Variants in TEAD4 observed in about 807,000 individuals in gnomAD.
TEAD4 encodes transcriptional enhancer factor TEF-3.
A neutral mutation model predicts 52.4 loss-of-function variants in TEAD4; 36 were observed. That is an observed-to-expected ratio of 0.69 (90% CI 0.53 to 0.91). The LOEUF is 0.91. Among genes scored for constraint, TEAD4 ranks in the 40% least tolerant of loss-of-function variants. The pLI is 0.00. For missense variants in TEAD4, 508 were observed against 583.9 expected (o/e 0.87, Z 1.34); for synonymous variants, 220 against 231.0 (o/e 0.95, Z 0.43).
At chr12:2,969,017 C>G (rs2098222895) in intron 2 of TEAD4, among the ~76,000 whole-genome samples, 1 of 152,168 alleles carries the variant, frequency 6.6e-6, no homozygotes, top group South Asian at 2.1e-4. Flanking sequence ...TGGGTGCTGT[C>G]ATTTCTCATT....
intron 2 of TEAD4, among the ~76,000 whole-genome samples, chr12:2,984,183 G>A (rs1158695029): frequency 2.0e-5 from 3 of 152,172 alleles, no homozygotes; most frequent in African/African-American, 4.8e-5. Flanking sequence ...GTGTGCGGAA[G>A]GTATGGCCGG....
intron 2 of TEAD4, among the ~76,000 whole-genome samples, chr12:2,975,239 G>A (rs1423934229): frequency 1.3e-5 from 2 of 150,916 alleles, no homozygotes; most frequent in Non-Finnish European, 2.9e-5. Context: ...TGAGCAGAAA[G>A]TAGACTTCCC....
rs200483208 is a variant in TEAD4 at position 3,038,056 on chromosome 12, C to T, written c.986C>T (p.Thr329Ile). 1.9e-4 allele frequency: 306 copies of T among 1,614,074 alleles called. No individual in the cohort carries two copies. The highest frequency in any genetic ancestry group is 3.6e-5 in the Non-Finnish European group (43 of 1,179,950). ...GAGAGCCCCGAGAACATGATCATCA[C>T]CTGCTCCACGAAGGTCTGCTCTTTC... Residue 329 changes from threonine (T) to isoleucine (I), a missense_variant, in exon 11 of 13, where the codon ACC becomes ATC. Thr to Ile is a moderately conservative substitution (Grantham distance 89). Transcript: ENST00000359864.
chr12:3,019,380 G>A (rs1190638124), intron 8 of TEAD4, among the ~76,000 whole-genome samples: 1 of 152,202 alleles, frequency 6.6e-6, no homozygotes, highest in African/African-American at 2.4e-5. Context: ...CATGCCCCTC[G>A]GGTTGCCTTG....
At chr12:2,974,625 C>CAGGATGTCCTG (rs1362410767) in intron 2 of TEAD4, among the ~76,000 whole-genome samples, 3 of 152,194 alleles carry the variant, frequency 2.0e-5, no homozygotes, top group African/African-American at 7.2e-5. Flanking sequence ...CCACTGCCTC[C>CAGGATGTCCTG]AGGATGTCCT....
chr12:2,989,121 C>T (rs966488481), intron 2 of TEAD4, among the ~76,000 whole-genome samples: 68 of 152,110 alleles, frequency 4.5e-4, no homozygotes, highest in African/African-American at 1.6e-3. Context: ...CATGGGAAGT[C>T]GGGAGGCAGT....
In TEAD4 at chr12:3,031,603, C is replaced by T. The variant is rs2098275589; in HGVS notation, c.898-6365C>T. 2.0e-5 allele frequency among the ~76,000 whole-genome samples: 3 copies of T among 152,208 alleles called. No homozygotes were observed. In the South Asian group the frequency reaches 6.2e-4, roughly 31 times the overall value. On this transcript the variant is annotated intron_variant, in intron 10 of 12. Transcript: ENST00000359864. ...CAGGGTGACCTCTGTCCTGTGGGCA[C>T]TCCTGTTGGATACATGCTGTGAGAT...
At chr12:2,969,050 C>T (rs2098222931) in intron 2 of TEAD4, among the ~76,000 whole-genome samples, 1 of 152,182 alleles carries the variant, frequency 6.6e-6, no homozygotes, top group South Asian at 2.1e-4. Context: ...GCACCCTTTA[C>T]AGCAGTAGCA....
At chr12:3,022,618 T>C (rs902316104) in intron 10 of TEAD4, among the ~76,000 whole-genome samples, 19 of 152,206 alleles carry the variant, frequency 1.2e-4, no homozygotes, top group Admixed American at 1.3e-4. Flanking sequence ...GGCAGGTATT[T>C]TGTGGGTGGA....
In TEAD4 at chr12:2,983,515, A is replaced by G. The variant is rs1180906514; in HGVS notation, c.-29-11223A>G. On this transcript the variant is annotated intron_variant, in intron 2 of 12. Coordinates refer to ENST00000359864, the MANE Select transcript of TEAD4 (RefSeq NM_003213.4). ...AGGGCATCCTTCTTGTTTTACAGAT[A>G]AGCAAAATGAGGCCCAGAAAAATGA... Among the ~76,000 whole-genome samples the G allele has an allele frequency of 2.6e-5, 4 of 152,160 alleles. No individual in the cohort carries two copies. The East Asian group carries it at 7.7e-4, about 29-fold the overall frequency.
At chr12:3,007,491 G>C (rs540569884) in intron 3 of TEAD4, among the ~76,000 whole-genome samples, 1 of 152,332 alleles carries the variant, frequency 6.6e-6, no homozygotes, top group Non-Finnish European at 1.5e-5. Context: ...CTGCAGGGAG[G>C]AGGTGGATTT....
At position 3,016,336 on chromosome 12, in the gene TEAD4, A is replaced by G. The variant is rs112743476; in HGVS notation, c.355-1062A>G. Among the ~76,000 whole-genome samples, 999 of 152,278 alleles carry G rather than the reference A, an allele frequency of 6.6e-3. 14 individuals carry two copies. Among genetic ancestry groups the G allele is most frequent in the African/African-American group, 0.022 (932 of 41,554 alleles). ...AACCACCACTTCCGGCCAGGTATCA[A>G]ATTTCTAATCAGAGCCCCTGAGTTG... On this transcript the variant is annotated intron_variant, in intron 5 of 12. Transcript: ENST00000359864.
chr12:3,037,299 A>G (rs994935891), intron 10 of TEAD4, among the ~76,000 whole-genome samples: 4 of 152,178 alleles, frequency 2.6e-5, no homozygotes, highest in Non-Finnish European at 5.9e-5. Context: ...AGAATGAACC[A>G]AAGGGAGGGA....
chr12:2,976,873 G>A (rs2098230151), intron 2 of TEAD4, among the ~76,000 whole-genome samples: 1 of 152,144 alleles, frequency 6.6e-6, no homozygotes, highest in African/African-American at 2.4e-5. Context: ...ATCTCCCTCT[G>A]TTGCTCTCTG....
At chr12:2,977,786 G>A (rs905209608) in intron 2 of TEAD4, among the ~76,000 whole-genome samples, 24 of 152,310 alleles carry the variant, frequency 1.6e-4, no homozygotes, top group African/African-American at 5.5e-4. Context: ...AGGAGAGGAA[G>A]GGGCACTGCT....
chr12:3,037,988 C>T lies in TEAD4; in HGVS notation c.918C>T (p.Ile306=), dbSNP rs529565656. ...TCCAGGCAGACCTCAACACCAACAT[C>T]GAGGATGAAGGCAGCTCCTTCTATG... is the stretch of plus-strand genomic sequence containing the variant. Residue 306 remains isoleucine, a synonymous_variant, in exon 11 of 13, where the codon ATC becomes ATT. Coordinates refer to ENST00000359864, the MANE Select transcript of TEAD4 (RefSeq NM_003213.4). The T allele has an allele frequency of 2.0e-5, 32 of 1,613,766 alleles. 1 individual carries two copies. Among genetic ancestry groups the T allele is most frequent in the African/African-American group, 6.7e-5 (5 of 75,034 alleles).
chr12:2,972,726 C>T (rs1202864245), intron 2 of TEAD4, among the ~76,000 whole-genome samples: 1 of 152,050 alleles, frequency 6.6e-6, no homozygotes, highest in Admixed American at 6.6e-5. Context: ...GTCTCGAACT[C>T]CTGACCTCAG....
chr12:3,002,560 CGCTA>C (rs2098252550), intron 3 of TEAD4, among the ~76,000 whole-genome samples: 1 of 152,186 alleles, frequency 6.6e-6, no homozygotes, highest in Non-Finnish European at 1.5e-5. Context: ...GGGTGTGAAG[CGCTA>C]TCTCGTGGTT....
intron 3 of TEAD4, among the ~76,000 whole-genome samples, chr12:3,010,008 C>T (rs572417314): frequency 6.6e-6 from 1 of 152,226 alleles, no homozygotes; most frequent in Non-Finnish European, 1.5e-5. Flanking sequence ...CGCAAGCCCT[C>T]CCGGTTCCGC....
Sources: gnomAD v4.1 joint callset for allele counts (sites outside exome capture counted in the v4.1 genomes callset) on GRCh38, gnomAD v4.1.1 for gene constraint, MANE v1.5 for transcripts, NCBI Gene and HGNC (gene_info 2026-07-23, HGNC 2026-07-21) for gene names.